NCOR2: variants seen among roughly 807,000 people sequenced by gnomAD.
NCOR2 encodes the protein nuclear receptor corepressor 2.
NCOR2 carries 81 observed loss-of-function variants against 262.9 expected under a neutral mutation model. The ratio of observed to expected loss-of-function variants is 0.31; its 90% CI spans 0.26 to 0.37. The LOEUF is 0.37. Among genes scored for constraint, NCOR2 ranks in the 10% least tolerant of loss-of-function variants. The pLI, the probability that NCOR2 is intolerant of heterozygous loss-of-function variation, is 1.00. For missense variants in NCOR2, 3,385 were observed against 3,621.4 expected (o/e 0.93, Z 1.68); for synonymous variants, 1,659 against 1,559.3 (o/e 1.06, Z -1.51).
chr12:124,364,756 G>C (rs1485220460), intron 20 of NCOR2, among the ~76,000 whole-genome samples: 1 of 152,234 alleles, frequency 6.6e-6, no homozygotes, highest in Non-Finnish European at 1.5e-5. Context: ...ATCTGCTCCA[G>C]CCTGAGAACC....
intron 19 of NCOR2, among the ~76,000 whole-genome samples, chr12:124,373,392 C>T (rs1372184958): frequency 1.7e-5 from 2 of 116,976 alleles, no homozygotes; most frequent in African/African-American, 6.3e-5. Context: ...GCAGGGGCCC[C>T]GGGCACAGTG....
chr12:124,344,856 T>C (rs1284298187), exon 32 of NCOR2: 3 of 1,571,438 alleles, frequency 1.9e-6, no homozygotes, highest in Non-Finnish European at 2.6e-6. Flanking sequence ...GGTGCACGGG[T>C]GGGAACGTCC....
At chr12:124,324,737 C>T (rs2034506233) in exon 47 of NCOR2, 1 of 152,554 alleles carries the variant, frequency 6.6e-6, no homozygotes, top group Admixed American at 6.5e-5. Context: ...CCCTGTAAAC[C>T]AACACATCAT....
chr12:124,401,634 G>A (rs2041991175), intron 14 of NCOR2, among the ~76,000 whole-genome samples: 1 of 152,250 alleles, frequency 6.6e-6, no homozygotes, highest in African/African-American at 2.4e-5. Context: ...CCTAGCTGTG[G>A]TGTGTGGGGG....
At chr12:124,382,591 G>A (rs1397598631) in intron 17 of NCOR2, among the ~76,000 whole-genome samples, 6 of 152,174 alleles carry the variant, frequency 3.9e-5, no homozygotes, top group African/African-American at 1.4e-4. Context: ...TCCAGCCCTG[G>A]ATGGGGGCTG....
At chr12:124,371,135 C>G (rs1328916749) in intron 20 of NCOR2, among the ~76,000 whole-genome samples, 2 of 152,098 alleles carry the variant, frequency 1.3e-5, no homozygotes, top group Admixed American at 6.5e-5. Flanking sequence ...TCGTAAAGGC[C>G]TTCTCACTGC....
intron 44 of NCOR2, 169 bp from the exon 47 acceptor site, chr12:124,327,802 T>C: frequency 3.3e-6 from 2 of 608,820 alleles, no homozygotes; most frequent in Non-Finnish European, 5.8e-6. Context: ...TTTATTTCCC[T>C]ATCCCTCCCC....
At chr12:124,368,071 C>A (rs949429950) in intron 20 of NCOR2, among the ~76,000 whole-genome samples, 1 of 152,234 alleles carries the variant, frequency 6.6e-6, no homozygotes, top group Non-Finnish European at 1.5e-5. Flanking sequence ...CCTGCAGTTG[C>A]GAGCAAAGGC....
chr12:124,527,166 G>C (rs1448593611), intron 1 of NCOR2, among the ~76,000 whole-genome samples: 1 of 152,178 alleles, frequency 6.6e-6, no homozygotes, highest in Non-Finnish European at 1.5e-5. Context: ...GCAAATCCCT[G>C]AACAGGCCGT....
intron 18 of NCOR2, among the ~76,000 whole-genome samples, chr12:124,377,493 G>A (rs1174140103): frequency 6.6e-6 from 1 of 152,200 alleles, no homozygotes; most frequent in Non-Finnish European, 1.5e-5. Flanking sequence ...TTTACCGACT[G>A]ACAGATAGGT....
At chr12:124,436,549 G>C (rs928099028) in intron 8 of NCOR2, among the ~76,000 whole-genome samples, 4 of 152,170 alleles carry the variant, frequency 2.6e-5, no homozygotes, top group Non-Finnish European at 5.9e-5. Flanking sequence ...CAGCAGCCCC[G>C]TGGCTTGGGT....
chr12:124,450,595 A>G (rs2045457561), intron 6 of NCOR2, among the ~76,000 whole-genome samples: 1 of 152,182 alleles, frequency 6.6e-6, no homozygotes, highest in African/African-American at 2.4e-5. Context: ...ACTCGGTTAC[A>G]CCACAAATCC....
chr12:124,350,671 G>A (rs202111746), exon 28 of NCOR2: 198 of 1,613,742 alleles, frequency 1.2e-4, no homozygotes, highest in Middle Eastern at 1.6e-4. Flanking sequence ...CGGTCCAAGC[G>A]ACTCGGGCTG....
intron 5 of NCOR2, among the ~76,000 whole-genome samples, chr12:124,461,530 G>C (rs980279883): frequency 6.6e-6 from 1 of 152,232 alleles, no homozygotes; most frequent in Non-Finnish European, 1.5e-5. Context: ...CTATGCAGAC[G>C]GGTCCACGGG....
At chr12:124,551,184 G>C (rs1276943505) in intron 1 of NCOR2, among the ~76,000 whole-genome samples, 2 of 152,218 alleles carry the variant, frequency 1.3e-5, no homozygotes, top group Non-Finnish European at 2.9e-5. Flanking sequence ...AACTGAGGCA[G>C]AGTCATGTGA....
At chr12:124,354,365 GC>G in intron 26 of NCOR2, 112 bp downstream of exon 28, 5 of 1,211,674 alleles carry the variant, frequency 4.1e-6, no homozygotes, top group Non-Finnish European at 5.7e-6. Context: ...GTGAAGAGGG[GC>G]CCCCAGACCC....
At chr12:124,354,994 CCA>C in intron 24 of NCOR2, 55 bp from the exon 27 acceptor site, 1 of 1,484,150 alleles carries the variant, frequency 6.7e-7, no homozygotes. Flanking sequence ...CCCCCACAGT[CCA>C]GAGTGCCTGA....
chr12:124,371,085 G>A (rs7305128), intron 20 of NCOR2, among the ~76,000 whole-genome samples: 1,906 of 152,240 alleles, frequency 0.013, 52 homozygotes, highest in African/African-American at 0.044. Context: ...CCCCCACATG[G>A]TTTCATGGGT....
exon 31 of NCOR2, chr12:124,346,596 G>A: frequency 6.3e-7 from 1 of 1,580,098 alleles, no homozygotes; most frequent in African/African-American, 1.3e-5. Flanking sequence ...AGCGGCCGCG[G>A]GGCCAGGGGC....
Sources: gnomAD v4.1 joint callset for allele counts (sites outside exome capture counted in the v4.1 genomes callset) on GRCh38, gnomAD v4.1.1 for gene constraint, MANE v1.5 for transcripts, NCBI Gene and HGNC (gene_info 2026-07-23, HGNC 2026-07-21) for gene names.